The following KCNC2 variants were observed in gnomAD, a reference collection of about 807,000 sequenced individuals.
The protein encoded by KCNC2 is potassium voltage-gated channel subfamily C member 2.
KCNC2 carries 21 observed loss-of-function variants against 44.5 expected under a neutral mutation model. The observed-to-expected ratio is 0.47, with a 90% CI of 0.33 to 0.68. KCNC2 has a LOEUF of 0.68. Ranked by LOEUF, KCNC2 falls within the 30% of genes least tolerant of loss-of-function variation. The pLI is 0.01. For missense variants in KCNC2, 589 were observed against 826.2 expected, an observed-to-expected ratio of 0.71 and a Z score of 3.52; for synonymous variants, 391 against 339.1, an observed-to-expected ratio of 1.15 and a Z score of -1.68.
chr12:75,100,776 A>C (rs1319272095), intron 2 of KCNC2, among the ~76,000 whole-genome samples: 1 of 152,056 alleles, frequency 6.6e-6, no homozygotes, highest in Non-Finnish European at 1.5e-5. Flanking sequence ...TGAATTTTCT[A>C]GACAACAGTA....
rs1248541090 is a variant in KCNC2 at position 75,043,016 on chromosome 12, G to A, written c.*89C>T. 1 of 1,562,940 alleles carries A rather than the reference G, an allele frequency of 6.4e-7. No individual in the cohort carries two copies. Among genetic ancestry groups the A allele is most frequent in the Non-Finnish European group, 8.7e-7 (1 of 1,155,706 alleles). ...TTATACTGTATTAATGGAGCCTGGA[G>A]TAACTCTACATTTAATTATTTCCAT... is the stretch of plus-strand genomic sequence containing the variant. On this transcript the variant is annotated 3_prime_UTR_variant, in exon 5 of 5. Transcript: ENST00000549446.
intron 2 of KCNC2, among the ~76,000 whole-genome samples, chr12:75,201,646 T>C (rs1343560751): frequency 6.6e-6 from 1 of 151,804 alleles, no homozygotes; most frequent in Non-Finnish European, 1.5e-5. Context: ...CCTGCTCTGT[T>C]CTCCTCCCAA....
At position 75,186,358 on chromosome 12, in the gene KCNC2, C is replaced by T. The variant is rs181479386; in HGVS notation, c.687+20939G>A. Among the ~76,000 whole-genome samples the T allele has an allele frequency of 1.3e-3, 202 of 151,958 alleles. 1 individual carries two copies. In the Middle Eastern group the frequency reaches 0.034, roughly 26 times the overall value. On this transcript the variant is annotated intron_variant, in intron 2 of 4. Coordinates refer to ENST00000549446, the MANE Select transcript of KCNC2 (RefSeq NM_139137.4). ...CAAACTCAAGGCATTCCCAGTGTTGCCCTCTAACAGGAACAAATTTCTATT... is the reference window on the plus strand; with the variant it reads ...CAAACTCAAGGCATTCCCAGTGTTGTCCTCTAACAGGAACAAATTTCTATT...
intron 2 of KCNC2, among the ~76,000 whole-genome samples, chr12:75,182,783 A>C (rs1407754908): frequency 1.3e-5 from 2 of 152,190 alleles, no homozygotes; most frequent in Non-Finnish European, 2.9e-5. Context: ...CAAAACATTC[A>C]CACTAAGTGG....
At chr12:75,114,953 C>A (rs1255552960) in intron 2 of KCNC2, among the ~76,000 whole-genome samples, 1 of 150,830 alleles carries the variant, frequency 6.6e-6, no homozygotes, top group Non-Finnish European at 1.5e-5. Context: ...AGGCTCCGCC[C>A]CCCGGGGTTC....
chr12:75,151,613 T>TGA (rs1421807133), intron 2 of KCNC2, among the ~76,000 whole-genome samples: 1 of 151,622 alleles, frequency 6.6e-6, no homozygotes, highest in African/African-American at 2.4e-5. Flanking sequence ...TGTAAGTGTG[T>TGA]GAGAGAGAGA....
intron 2 of KCNC2, among the ~76,000 whole-genome samples, chr12:75,148,829 G>T (rs974755407): frequency 2.0e-5 from 3 of 151,732 alleles, no homozygotes; most frequent in Non-Finnish European, 4.4e-5. Context: ...ATTCAGTTTT[G>T]TTTATTTTGT....
intron 2 of KCNC2, among the ~76,000 whole-genome samples, chr12:75,066,094 C>T (rs968395431): frequency 9.9e-5 from 15 of 151,894 alleles, no homozygotes; most frequent in Non-Finnish European, 1.6e-4. Context: ...TCAAGAACAC[C>T]TAAATTTATG....
chr12:75,065,015 C>T (rs765051809), intron 2 of KCNC2, among the ~76,000 whole-genome samples: 2 of 151,920 alleles, frequency 1.3e-5, no homozygotes, highest in Non-Finnish European at 2.9e-5. Context: ...AGTTATGAAA[C>T]TGTGACTATA....
chr12:75,041,723 C>G lies in KCNC2; in HGVS notation c.*1382G>C. ...AGAAACTGACACTGCAGCAGGCAAC[C>G]AAGTGCAATGGTGAAATTGCTGCTT... On this transcript the variant is annotated 3_prime_UTR_variant, in exon 5 of 5. Coordinates refer to ENST00000549446, the MANE Select transcript of KCNC2 (RefSeq NM_139137.4). 8 of 992,748 alleles carry G rather than the reference C, an allele frequency of 8.1e-6. No homozygotes were observed. The highest frequency in any genetic ancestry group is 4.5e-5 in the South Asian group (1 of 22,090). The allele number at this position is 992,748 out of a possible 1,614,324, so 61.5% of individuals were successfully genotyped here.
Position 75,146,636 on chromosome 12 carries a change from A to T in KCNC2, c.687+60661T>A, listed in dbSNP as rs140413004. Among the ~76,000 whole-genome samples the T allele has an allele frequency of 2.5e-4, 38 of 152,352 alleles. No individual in the cohort carries two copies. In the East Asian group the frequency reaches 7.3e-3, roughly 29 times the overall value. On this transcript the variant is annotated intron_variant, in intron 2 of 4. Transcript: ENST00000549446. ...GTGCAAGTGCATGAATTTCTCAAGG[A>T]TACATACCTAGAAATAGAAATAGAA... is the stretch of plus-strand genomic sequence containing the variant.
intron 2 of KCNC2, among the ~76,000 whole-genome samples, chr12:75,136,222 A>T (rs973848193): frequency 1.3e-5 from 2 of 152,052 alleles, no homozygotes; most frequent in Non-Finnish European, 2.9e-5. Context: ...AAATGCCTAC[A>T]TTTTCTAAAA....
chr12:75,095,523 T>C (rs1592858255), intron 2 of KCNC2, among the ~76,000 whole-genome samples: 1 of 151,856 alleles, frequency 6.6e-6, no homozygotes, highest in South Asian at 2.1e-4. Context: ...ATTCCTCCAG[T>C]GTTCCCTCTC....
Position 75,050,548 on chromosome 12 carries a change from T to C in KCNC2, c.1457A>G (p.Lys486Arg), listed in dbSNP as rs1485533102. 2 of 1,613,700 alleles carry C rather than the reference T, an allele frequency of 1.2e-6. No individual in the cohort carries two copies. Among genetic ancestry groups the C allele is most frequent in the Non-Finnish European group, 8.5e-7 (1 of 1,179,830 alleles). The change falls in exon 3 of 5, where the codon AAG (lysine) becomes AGG (arginine). Residue 486 changes from lysine to arginine, a missense_variant. Physicochemically the swap from Lys to Arg is conservative, Grantham distance 26 (BLOSUM62 2). This residue lies in a region of KCNC2 where 67 missense variants were observed against 237.4 expected (regional missense o/e 0.28). Coordinates refer to ENST00000549446, the MANE Select transcript of KCNC2 (RefSeq NM_139137.4). ...FGMYYSLAMAKQKLPRKRKKH... is the reference protein window; with the variant it reads ...FGMYYSLAMARQKLPRKRKKH... Reference sequence around the variant, plus strand: ...CTTTCTTTTCCTTGGAAGTTTCTGCTTTGCCATTGCCAAGGAGTAGTACAT... The same window carrying C: ...CTTTCTTTTCCTTGGAAGTTTCTGCCTTGCCATTGCCAAGGAGTAGTACAT...
intron 2 of KCNC2, among the ~76,000 whole-genome samples, chr12:75,107,050 A>G (rs767341479): frequency 6.6e-6 from 1 of 151,490 alleles, no homozygotes; most frequent in Non-Finnish European, 1.5e-5. Flanking sequence ...CACGCCTGTA[A>G]TCCCAGCACT....
intron 2 of KCNC2, among the ~76,000 whole-genome samples, chr12:75,088,812 G>A (rs1406173258): frequency 3.3e-5 from 5 of 151,816 alleles, no homozygotes. Flanking sequence ...GAGAAATGCT[G>A]TGGATTTATA....
intron 2 of KCNC2, among the ~76,000 whole-genome samples, chr12:75,084,693 T>C (rs1884846621): frequency 6.6e-6 from 1 of 151,990 alleles, no homozygotes; most frequent in South Asian, 2.1e-4. Context: ...ATCAGCATCA[T>C]GACAACAGAC....
chr12:75,093,561 G>A (rs114430771), intron 2 of KCNC2, among the ~76,000 whole-genome samples: 1,662 of 151,490 alleles, frequency 0.011, 20 homozygotes, highest in African/African-American at 0.032. Context: ...TTTGTCTAGC[G>A]GTATTAATCA....
intron 2 of KCNC2, among the ~76,000 whole-genome samples, chr12:75,057,124 G>T (rs919898953): frequency 6.6e-6 from 1 of 151,950 alleles, no homozygotes. Context: ...CCAAGAGAAG[G>T]TTAAGCCTGA....
Sources: allele counts gnomAD v4.1 joint callset (sites outside exome capture counted in the v4.1 genomes callset), GRCh38; gene constraint gnomAD v4.1.1; regional missense constraint gnomAD v4.1.1; transcripts MANE v1.5; gene names NCBI Gene and HGNC (gene_info 2026-07-23, HGNC 2026-07-21).